WWOX: variants seen among roughly 807,000 people sequenced by gnomAD.
WWOX encodes WW domain-containing oxidoreductase.
Under a neutral mutation model 46.2 loss-of-function variants are expected in WWOX, and 69 were observed. The observed-to-expected ratio is 1.49, with a 90% CI of 1.23 to 1.82. The LOEUF (loss-of-function observed/expected upper bound fraction) is 1.82. WWOX is among the 40% of genes most tolerant of loss of function. The probability of loss-of-function intolerance (pLI) is 0.00; values close to 1 mark genes in which losing one functional copy is unlikely to be tolerated. For synonymous variants in WWOX, 359 were observed against 202.6 expected (o/e 1.77, Z -6.56); for missense variants, 919 against 542.6 (o/e 1.69, Z -6.89).
intron 8 of WWOX, among the ~76,000 whole-genome samples, chr16:78,834,602 A>C (rs1265110091): frequency 5.3e-5 from 8 of 152,204 alleles, no homozygotes; most frequent in Admixed American, 5.2e-4. Flanking sequence ...CAGAAAGTAC[A>C]GCGTAGTTTG....
At chr16:78,572,276 T>G (rs866271597) in intron 8 of WWOX, among the ~76,000 whole-genome samples, 50 of 152,138 alleles carry the variant, frequency 3.3e-4, no homozygotes, top group African/African-American at 1.2e-3. Context: ...CACAGAAGAA[T>G]CTCAGCAACA....
chr16:78,444,529 A>ATT (rs375008030), intron 8 of WWOX, among the ~76,000 whole-genome samples: 1 of 144,638 alleles, frequency 6.9e-6, no homozygotes, highest in African/African-American at 2.8e-5. Context: ...ATGAGGAGCA[A>ATT]TTCTTTTTTT....
intron 8 of WWOX, among the ~76,000 whole-genome samples, chr16:78,723,721 T>G (rs2048756269): frequency 1.3e-5 from 2 of 151,770 alleles, no homozygotes; most frequent in South Asian, 4.2e-4. Flanking sequence ...TGGAGTGCTC[T>G]CTGGGTTCAC....
chr16:78,486,339 T>A (rs2084636062), intron 8 of WWOX, among the ~76,000 whole-genome samples: 1 of 152,336 alleles, frequency 6.6e-6, no homozygotes, highest in East Asian at 1.9e-4. Flanking sequence ...TGAGCATAGA[T>A]AATAGTCACA....
At chr16:78,368,994 C>G (rs1228537919) in intron 5 of WWOX, among the ~76,000 whole-genome samples, 1 of 152,132 alleles carries the variant, frequency 6.6e-6, no homozygotes, top group Non-Finnish European at 1.5e-5. Flanking sequence ...GTCTCCCCAT[C>G]TCCCCTTCTT....
At chr16:79,055,262 A>G (rs2048240271) in intron 8 of WWOX, among the ~76,000 whole-genome samples, 1 of 150,404 alleles carries the variant, frequency 6.6e-6, no homozygotes, top group Middle Eastern at 3.4e-3. Context: ...CTTTCTAATT[A>G]ACATTACATT....
intron 8 of WWOX, among the ~76,000 whole-genome samples, chr16:78,937,169 G>A (rs1376148275): frequency 6.6e-6 from 1 of 152,044 alleles, no homozygotes; most frequent in Non-Finnish European, 1.5e-5. Context: ...CCATCAAGAG[G>A]AACATACATA....
At chr16:78,778,582 G>A (rs2050248297) in intron 8 of WWOX, among the ~76,000 whole-genome samples, 1 of 152,258 alleles carries the variant, frequency 6.6e-6, no homozygotes, top group South Asian at 2.1e-4. Flanking sequence ...AGAAATTCAA[G>A]GTATGAAATT....
At chr16:78,666,032 C>G (rs982195057) in intron 8 of WWOX, among the ~76,000 whole-genome samples, 2 of 151,838 alleles carry the variant, frequency 1.3e-5, no homozygotes, top group Admixed American at 1.3e-4. Flanking sequence ...TGCCTGTAAT[C>G]CCAACACTCT....
At chr16:78,440,164 A>G (rs749313339) in intron 8 of WWOX, among the ~76,000 whole-genome samples, 11 of 152,188 alleles carry the variant, frequency 7.2e-5, no homozygotes, top group Non-Finnish European at 1.5e-4. Context: ...GTATGTACAT[A>G]TTTTAATAGT....
chr16:78,429,241 G>T (rs1316938590), intron 7 of WWOX, among the ~76,000 whole-genome samples: 1 of 152,202 alleles, frequency 6.6e-6, no homozygotes, highest in Non-Finnish European at 1.5e-5. Flanking sequence ...TAGAACAGAA[G>T]GATGGCACAG....
chr16:79,077,828 C>G (rs1330506093), intron 8 of WWOX: 1 of 152,144 alleles, frequency 6.6e-6, no homozygotes, highest in Admixed American at 6.5e-5. Context: ...TAAACTCCTG[C>G]AAAGAAGTCC....
chr16:78,870,732 G>A (rs945478173), intron 8 of WWOX, among the ~76,000 whole-genome samples: 1 of 152,160 alleles, frequency 6.6e-6, no homozygotes, highest in Non-Finnish European at 1.5e-5. Flanking sequence ...CTCCCAAGTA[G>A]CTGGGATTAC....
At chr16:78,860,643 A>T (rs1374157124) in intron 8 of WWOX, among the ~76,000 whole-genome samples, 1 of 152,240 alleles carries the variant, frequency 6.6e-6, no homozygotes, top group Admixed American at 6.5e-5. Context: ...TAAATACTTC[A>T]TATAAGTTCA....
intron 8 of WWOX, among the ~76,000 whole-genome samples, chr16:78,716,983 C>T (rs981547700): frequency 6.6e-6 from 1 of 152,238 alleles, no homozygotes; most frequent in South Asian, 2.1e-4. Flanking sequence ...TGTTCTCAGT[C>T]GTAAAATTAG....
chr16:78,696,287 A>T (rs920214918), intron 8 of WWOX, among the ~76,000 whole-genome samples: 9 of 152,134 alleles, frequency 5.9e-5, no homozygotes, highest in African/African-American at 2.2e-4. Context: ...TCTACAGCTC[A>T]TATTGGTTAC....
intron 8 of WWOX, among the ~76,000 whole-genome samples, chr16:78,753,025 T>G (rs1333172845): frequency 1.3e-5 from 2 of 152,190 alleles, no homozygotes; most frequent in African/African-American, 4.8e-5. Context: ...CTGGGCACGG[T>G]AGCTCACGCC....
chr16:78,650,057 A>G (rs558231113), intron 8 of WWOX, among the ~76,000 whole-genome samples: 51 of 152,304 alleles, frequency 3.3e-4, no homozygotes, highest in African/African-American at 1.1e-3. Context: ...TATCTGTGTA[A>G]CTGTCGTAGC....
At chr16:78,621,651 C>G (rs2046190129) in intron 8 of WWOX, among the ~76,000 whole-genome samples, 1 of 93,544 alleles carries the variant, frequency 1.1e-5, no homozygotes, top group African/African-American at 4.2e-5. Flanking sequence ...GTTGTCTAGG[C>G]TGGAGTGCAG....
Sources: gnomAD v4.1 joint callset for allele counts (sites outside exome capture counted in the v4.1 genomes callset) on GRCh38, gnomAD v4.1.1 for gene constraint, MANE v1.5 for transcripts, NCBI Gene and HGNC (gene_info 2026-07-23, HGNC 2026-07-21) for gene names.